SLC4A4: variants seen among roughly 807,000 people sequenced by gnomAD.
The protein encoded by SLC4A4 is electrogenic sodium bicarbonate cotransporter 1.
A neutral mutation model predicts 111.5 loss-of-function variants in SLC4A4; 27 were observed. The ratio of observed to expected loss-of-function variants is 0.24; its 90% confidence interval spans 0.18 to 0.33. The LOEUF (loss-of-function observed/expected upper bound fraction) is 0.33. Among genes scored for constraint, SLC4A4 ranks in the 10% least tolerant of loss-of-function variants. The probability of loss-of-function intolerance (pLI) is 1.00; values close to 1 mark genes in which losing one functional copy is unlikely to be tolerated. For missense variants in SLC4A4, 909 were observed against 1,315.5 expected, an observed-to-expected ratio of 0.69 and a Z score of 4.78; for synonymous variants, 443 against 463.4, an observed-to-expected ratio of 0.96 and a Z score of 0.57.
At chr4:71,309,002 C>T (rs1023814478) in intron 3 of SLC4A4, among the ~76,000 whole-genome samples, 1 of 152,244 alleles carries the variant, frequency 6.6e-6, no homozygotes, top group African/African-American at 2.4e-5. Context: ...GCTGCCAGCA[C>T]AGCAGTCTGA....
intron 3 of SLC4A4, among the ~76,000 whole-genome samples, chr4:71,307,396 A>G (rs1725781904): frequency 6.6e-6 from 1 of 152,226 alleles, no homozygotes; most frequent in Non-Finnish European, 1.5e-5. Context: ...CCTGGTTGGA[A>G]AACACAGGTG....
chr4:71,349,196 C>G (rs1433808027), intron 4 of SLC4A4, among the ~76,000 whole-genome samples: 1 of 152,118 alleles, frequency 6.6e-6, no homozygotes, highest in African/African-American at 2.4e-5. Context: ...GAGGGTTGTT[C>G]CATCGCTAAG....
At chr4:71,091,944 G>T (rs555124497) in intron 1 of SLC4A4, among the ~76,000 whole-genome samples, 1 of 152,042 alleles carries the variant, frequency 6.6e-6, no homozygotes, top group Non-Finnish European at 1.5e-5. Flanking sequence ...GAACTATATT[G>T]CCTTACGGAG....
intron 16 of SLC4A4, among the ~76,000 whole-genome samples, chr4:71,511,400 T>C (rs1222182568): frequency 6.6e-6 from 1 of 152,090 alleles, no homozygotes; most frequent in Non-Finnish European, 1.5e-5. Context: ...GTTTTCCCCT[T>C]ATGCTCTTTT....
chr4:71,501,535 T>C (rs1730922528), intron 16 of SLC4A4, among the ~76,000 whole-genome samples: 1 of 151,622 alleles, frequency 6.6e-6, no homozygotes, highest in African/African-American at 2.4e-5. Flanking sequence ...AGGTGTAATG[T>C]CTCTTTTTAA....
At chr4:71,466,167 A>G (rs1727290639) in intron 12 of SLC4A4, among the ~76,000 whole-genome samples, 1 of 152,110 alleles carries the variant, frequency 6.6e-6, no homozygotes, top group South Asian at 2.1e-4. Context: ...GATCGGAGCC[A>G]CCTTTTGCCT....
At chr4:71,303,470 A>G (rs1176365208) in intron 3 of SLC4A4, among the ~76,000 whole-genome samples, 1 of 151,860 alleles carries the variant, frequency 6.6e-6, no homozygotes, top group South Asian at 2.1e-4. Context: ...TTGCTAATGG[A>G]CCTCCTCTTG....
chr4:71,081,311 G>T (rs576338839), intron 1 of SLC4A4, among the ~76,000 whole-genome samples: 1 of 152,168 alleles, frequency 6.6e-6, no homozygotes, highest in African/African-American at 2.4e-5. Context: ...TGCAGAGCCT[G>T]GGCTTAGAGC....
intron 2 of SLC4A4, among the ~76,000 whole-genome samples, chr4:71,168,975 A>G (rs1422443227): frequency 6.6e-6 from 1 of 151,978 alleles, no homozygotes; most frequent in Non-Finnish European, 1.5e-5. Flanking sequence ...TATACCTAGG[A>G]GTGGGATTGC....
At chr4:71,515,931 C>A (rs924565861) in intron 16 of SLC4A4, among the ~76,000 whole-genome samples, 4 of 151,798 alleles carry the variant, frequency 2.6e-5, no homozygotes, top group Non-Finnish European at 5.9e-5. Context: ...AGTTCTATAT[C>A]TTTTAAGTGT....
chr4:71,106,352 G>A (rs980617878), intron 2 of SLC4A4, among the ~76,000 whole-genome samples: 2 of 151,250 alleles, frequency 1.3e-5, no homozygotes, highest in African/African-American at 2.5e-5. Context: ...AACCGTTGTG[G>A]AAGTCAGTGT....
rs386400441 is a variant in SLC4A4, at chr4:71,153,033, G to GTGTGTATATATATATATATA, written c.-2+60242_-2+60243insGTGTATATATATATATATAT. Among the ~76,000 whole-genome samples the GTGTGTATATATATATATATA allele has an allele frequency of 3.2e-3, 418 of 132,670 alleles. 3 individuals are homozygous for GTGTGTATATATATATATATA. Among genetic ancestry groups the GTGTGTATATATATATATATA allele is most frequent in the African/African-American group, 0.01 (400 of 38,674 alleles). The allele number at this position is 132,670 out of a possible 152,430, so 87.0% of individuals were successfully genotyped here. A position where few individuals can be genotyped will look rare whatever the true frequency, so the allele number is the denominator to read the frequency against. Reference sequence around the variant, plus strand: ...TGTATATATATAAATATATGTGTGTGTATATATATATATATATATAAAAAT... The same window carrying GTGTGTATATATATATATATA: ...TGTATATATATAAATATATGTGTGTGTGTGTATATATATATATATATATATATATATATATATATAAAAAT... On this transcript the variant is annotated intron_variant, in intron 2 of 26. Transcript: ENST00000649996.
At position 71,568,081 on chromosome 4, in the gene SLC4A4, A is replaced by G. The variant is rs1737662907; in HGVS notation, c.*330A>G. 6.1e-6 allele frequency: 3 copies of G among 492,048 alleles called. No homozygotes were observed. Among genetic ancestry groups the G allele is most frequent in the Non-Finnish European group, 1.1e-5 (3 of 277,626 alleles). The allele number at this position is 492,048 out of a possible 1,614,324, so 30.5% of individuals were successfully genotyped here. ...TAGTGCACCGTTCCTTAAAAACAGCATCTGAGGAATCCCCCTTTTGTTCTT... is the reference window on the plus strand; with the variant it reads ...TAGTGCACCGTTCCTTAAAAACAGCGTCTGAGGAATCCCCCTTTTGTTCTT... On this transcript the variant is annotated 3_prime_UTR_variant, in exon 26 of 26. Transcript: ENST00000264485.
intron 16 of SLC4A4, among the ~76,000 whole-genome samples, chr4:71,509,706 G>A (rs571197911): frequency 1.3e-5 from 2 of 152,200 alleles, no homozygotes; most frequent in African/African-American, 2.4e-5. Context: ...CCACCAGGTA[G>A]CCTCTTGGGT....
In SLC4A4 at chr4:71,567,054, T is replaced by A; in HGVS notation, c.*7T>A. On this transcript the variant is annotated 3_prime_UTR_variant, in exon 25 of 26. Coordinates refer to ENST00000264485, the MANE Select transcript of SLC4A4 (RefSeq NM_001098484.3). ...ACGCCACACATCATGCTGATAAAAT[T>A]CCTTTCCTTCAGTCACTCGGTATGC... is the stretch of plus-strand genomic sequence containing the variant. 6.2e-7 allele frequency: 1 copy of A among 1,610,126 alleles called. No individual in the cohort carries two copies. The highest frequency in any genetic ancestry group is 8.5e-7 in the Non-Finnish European group (1 of 1,177,518).
intron 2 of SLC4A4, among the ~76,000 whole-genome samples, chr4:71,151,647 G>C (rs1337208502): frequency 6.6e-6 from 1 of 151,468 alleles, no homozygotes; most frequent in African/African-American, 2.4e-5. Context: ...GTCTGCGCAT[G>C]GTGGCTCACA....
intron 1 of SLC4A4, among the ~76,000 whole-genome samples, chr4:71,199,674 G>A (rs1185166254): frequency 6.6e-6 from 1 of 152,030 alleles, no homozygotes; most frequent in Non-Finnish European, 1.5e-5. Flanking sequence ...TTTTGAGACG[G>A]AGTCTTGCTT....
intron 8 of SLC4A4, among the ~76,000 whole-genome samples, chr4:71,446,014 A>C (rs1362287732): frequency 6.6e-6 from 1 of 152,160 alleles, no homozygotes; most frequent in Non-Finnish European, 1.5e-5. Context: ...CTTTGGTAAC[A>C]CTTGAAAGTG....
chr4:71,354,466 T>C (rs1730108540), intron 5 of SLC4A4, among the ~76,000 whole-genome samples: 2 of 152,232 alleles, frequency 1.3e-5, no homozygotes, highest in Admixed American at 1.3e-4. Context: ...ACTGCAACAT[T>C]GTCATCAGAA....
Sources: allele counts gnomAD v4.1 joint callset (sites outside exome capture counted in the v4.1 genomes callset), GRCh38; gene constraint gnomAD v4.1.1; transcripts MANE v1.5; gene names NCBI Gene and HGNC (gene_info 2026-07-23, HGNC 2026-07-21).